MCM7: variants seen among roughly 807,000 people sequenced by gnomAD.
The protein encoded by MCM7 is DNA replication licensing factor MCM7.
A neutral mutation model predicts 83.5 loss-of-function variants in MCM7; 95 were observed. The ratio of observed to expected loss-of-function variants is 1.14; its 90% confidence interval spans 0.96 to 1.35. The LOEUF (loss-of-function observed/expected upper bound fraction) is 1.35, where lower values mean the gene tolerates loss of function less well. Ranked by LOEUF, MCM7 falls within the 40% of genes most tolerant of loss-of-function variation. The probability of loss-of-function intolerance (pLI) is 0.00; values close to 1 mark genes in which losing one functional copy is unlikely to be tolerated. For synonymous variants in MCM7, 461 were observed against 352.7 expected (o/e 1.31, Z -3.44); for missense variants, 1,087 against 957.4 (o/e 1.14, Z -1.79).
Position 100,095,370 on chromosome 7 carries a change from G to T in MCM7, c.1679+17C>A, listed in dbSNP as rs2261360. ...GGCCCACGCCAACGTTTGCCCACCC[G>T]CACCCAGCTCTCCTACCTCATGAGC... On this transcript the variant is annotated intron_variant, in intron 12 of 14. Coordinates refer to ENST00000303887, the MANE Select transcript of MCM7 (RefSeq NM_005916.5). 398,887 of 1,604,644 alleles carry T rather than the reference G, an allele frequency of 0.25. 53,620 individuals are homozygous for T. Among genetic ancestry groups the T allele is most frequent in the Middle Eastern group, 0.44 (2,520 of 5,714 alleles).
At position 100,094,328 on chromosome 7, in the gene MCM7, T is replaced by G; in HGVS notation, c.1693A>C (p.Met565Leu). 1 of 1,614,076 alleles carries G rather than the reference T, an allele frequency of 6.2e-7. No individual in the cohort carries two copies. Among genetic ancestry groups the G allele is most frequent in the Non-Finnish European group, 8.5e-7 (1 of 1,180,024 alleles). Reference sequence around the variant, plus strand: ...ACCATGGGCTGCTTCTCGCGGCACATGGCTATGTAACGCCTGTGGGGGAAG... The same window carrying G: ...ACCATGGGCTGCTTCTCGCGGCACAGGGCTATGTAACGCCTGTGGGGGAAG... ...DMKLMRRYIA[M>L]CREKQPMVPE... Residue 565 changes from methionine to leucine, a missense_variant, in exon 13 of 15, where the codon ATG (methionine) becomes CTG (leucine). Coordinates refer to ENST00000303887, the MANE Select transcript of MCM7 (RefSeq NM_005916.5).
Position 100,098,272 on chromosome 7 carries a change from C to T in MCM7, c.739G>A (p.Gly247Arg), listed in dbSNP as rs762382239. 9 of 1,613,978 alleles carry T rather than the reference C, an allele frequency of 5.6e-6. No homozygotes were observed. The Admixed American group carries it at 1.0e-4, about 18-fold the overall frequency. ...ACCGTGATACTACGAGGGATATTTC[C>T]CACAGGCACCTGATCACTCTAGGGG... ...MQEHSDQVPV[G>R]NIPRSITVLV... The change falls in exon 7 of 15, where the codon GGA (glycine) becomes AGA (arginine). Residue 247 changes from glycine (G) to arginine (R), a missense_variant. By Grantham distance (125) the Gly-to-Arg change is moderately radical. Coordinates refer to ENST00000303887, the MANE Select transcript of MCM7 (RefSeq NM_005916.5).
Position 100,096,167 on chromosome 7 carries a change from C to A in MCM7, c.1202G>T (p.Ser401Ile). The change falls in exon 11 of 15, where the codon AGC (serine) becomes ATC (isoleucine). Residue 401 changes from serine (S) to isoleucine (I), a missense_variant and splice_region_variant. Coordinates refer to ENST00000303887, the MANE Select transcript of MCM7 (RefSeq NM_005916.5). ...GGAGCCCCGGCCTGTTGTGTACTGG[C>A]CTGGAAGAGAAGAAATAAGGAACCA... ...LSYIDRLAPR[S>I]QYTTGRGSSG... 2 of 1,560,312 alleles carry A rather than the reference C, an allele frequency of 1.3e-6. No individual in the cohort carries two copies. Among genetic ancestry groups the A allele is most frequent in the Non-Finnish European group, 1.7e-6 (2 of 1,154,836 alleles).
chr7:100,097,022 C>A (rs890617513), intron 10 of MCM7, among the ~76,000 whole-genome samples: 1 of 152,182 alleles, frequency 6.6e-6, no homozygotes, highest in African/African-American at 2.4e-5. Context: ...AATGGCGTGA[C>A]CCCAGGAGGT....
Position 100,095,390 on chromosome 7 carries a change from A to G in MCM7, c.1676T>C (p.Met559Thr). 1.2e-6 allele frequency: 2 copies of G among 1,612,598 alleles called. No homozygotes were observed. Among genetic ancestry groups the G allele is most frequent in the Non-Finnish European group, 1.7e-6 (2 of 1,179,470 alleles). ...SQFEPLDMKL[M>T]RRYIAMCREK... The stretch of plus-strand genomic sequence containing the variant: ...CACCCGCACCCAGCTCTCCTACCTC[A>G]TGAGCTTCATGTCCAGAGGTTCAAA... The change falls in exon 12 of 15, where the codon ATG becomes ACG. Residue 559 changes from methionine (M) to threonine (T), a missense_variant. Transcript: ENST00000303887.
At chr7:100,097,455 G>A in intron 9 of MCM7, 71 bp from the exon 10 acceptor site, 2 of 1,585,270 alleles carry the variant, frequency 1.3e-6, no homozygotes, top group Non-Finnish European at 1.7e-6. Flanking sequence ...GCAATTTTGA[G>A]TTCTGCCTAC....
chr7:100,095,349 C>A lies in MCM7; in HGVS notation c.1679+38G>T, dbSNP rs777291254. The A allele has an allele frequency of 3.2e-6, 5 of 1,578,900 alleles. No individual in the cohort carries two copies. The South Asian group carries it at 5.7e-5, about 18-fold the overall frequency. Reference sequence around the variant, plus strand: ...ACTTTTTCAGGAGGCTCGCACGGCCCACGCCAACGTTTGCCCACCCGCACC... The same window carrying A: ...ACTTTTTCAGGAGGCTCGCACGGCCAACGCCAACGTTTGCCCACCCGCACC... On this transcript the variant is annotated intron_variant, in intron 12 of 14. Transcript: ENST00000303887.
intron 1 of MCM7, among the ~76,000 whole-genome samples, chr7:100,101,041 A>G (rs1795990483): frequency 6.6e-6 from 1 of 151,394 alleles, no homozygotes; most frequent in Non-Finnish European, 1.5e-5. Flanking sequence ...CGACCCTAAC[A>G]CCTTTACCAG....
Position 100,096,011 on chromosome 7 carries a change from G to A in MCM7, c.1358C>T (p.Ala453Val), listed in dbSNP as rs781443043. The A allele has an allele frequency of 1.5e-5, 25 of 1,613,898 alleles. 1 individual carries two copies. The South Asian group carries it at 2.6e-4, about 17-fold the overall frequency. The change falls in exon 11 of 15, where the codon GCC becomes GTC. Residue 453 changes from alanine to valine, a missense_variant. Ala to Val is a moderately conservative substitution (Grantham distance 64). Transcript: ENST00000303887. ...CIDEFDKMAEADRTAIHEVME... is the reference protein window; with the variant it reads ...CIDEFDKMAEVDRTAIHEVME... ...GACCTCGTGGATGGCTGTGCGGTCGGCCTCAGCCATCTTGTCGAACTCATC... is the reference window on the plus strand; with the variant it reads ...GACCTCGTGGATGGCTGTGCGGTCGACCTCAGCCATCTTGTCGAACTCATC...
chr7:100,098,534 G>A (rs763567621), intron 6 of MCM7, 44 bp downstream of exon 6: 4 of 1,610,084 alleles, frequency 2.5e-6, no homozygotes, highest in Non-Finnish European at 2.5e-6. Context: ...GGATTCAAGT[G>A]GACTCCCGAT....
rs370111245 is a variant in MCM7 at position 100,097,355 on chromosome 7, G to C, written c.1147C>G (p.Pro383Ala). The change falls in exon 10 of 15, where the codon CCT becomes GCT. Residue 383 changes from proline (P) to alanine (A), a missense_variant. Coordinates refer to ENST00000303887, the MANE Select transcript of MCM7 (RefSeq NM_005916.5). ...AGGAGCTGAGACTTGGCCACACCAG[G>C]ATCCCCCATCAGACAGATGTTGATG... ...GNINICLMGD[P>A]GVAKSQLLSY... The C allele has an allele frequency of 6.2e-7, 1 of 1,614,060 alleles. No homozygotes were observed. The highest frequency in any genetic ancestry group is 1.3e-5 in the African/African-American group (1 of 74,910).
chr7:100,098,424 T>C (rs995876034), intron 6 of MCM7, 134 bp from the exon 7 acceptor site: 29 of 1,485,294 alleles, frequency 2.0e-5, no homozygotes, highest in Non-Finnish European at 2.5e-5. Context: ...TGAGACCTCC[T>C]TTCCCCTTCC....
chr7:100,094,420 C>G, intron 12 of MCM7, 79 bp from the exon 13 acceptor site: 1 of 1,513,878 alleles, frequency 6.6e-7, no homozygotes, highest in Non-Finnish European at 9.0e-7. Context: ...GTTTTCTGTA[C>G]CAGGGCTCCC....
chr7:100,099,165 CG>C lies in MCM7; in HGVS notation c.439del (p.Arg147ValfsTer2). 1 of 1,614,084 alleles carries C rather than the reference CG, an allele frequency of 6.2e-7. No homozygotes were observed. The highest frequency in any genetic ancestry group is 2.2e-5 in the East Asian group (1 of 44,874). On this transcript the variant is annotated frameshift_variant, in exon 5 of 15. Transcript: ENST00000303887. LOFTEE classifies it high-confidence loss of function. ...YFQGPSSNKP[R>X]VIREVRADSV... is the part of the protein sequence containing the mutation. The stretch of plus-strand genomic sequence containing the variant: ...GTCAGCCCGCACTTCCCGGATCACA[CG>C]AGGCTTGTTGCTGCTAGGGCCTTGA...
chr7:100,101,108 C>G, intron 1 of MCM7, 156 bp downstream of exon 1: 1 of 891,962 alleles, frequency 1.1e-6, no homozygotes, highest in Non-Finnish European at 1.7e-6. Flanking sequence ...TCCCAGGCCC[C>G]GTGGGCCTTA....
At chr7:100,098,418 A>C in intron 6 of MCM7, 128 bp from the exon 7 acceptor site, 1 of 1,475,794 alleles carries the variant, frequency 6.8e-7, no homozygotes, top group Non-Finnish European at 9.2e-7. Flanking sequence ...GGGTGCTGAG[A>C]CCTCCTTTCC....
intron 1 of MCM7, chr7:100,100,329 G>C (rs373666524): frequency 8.3e-7 from 1 of 1,208,640 alleles, no homozygotes; most frequent in Non-Finnish European, 1.0e-6. Flanking sequence ...GGGAATTCCG[G>C]TCCCTACTTT....
At chr7:100,097,769 T>C (rs2116576915) in intron 8 of MCM7, 24 bp from the exon 9 acceptor site, 1 of 1,614,126 alleles carries the variant, frequency 6.2e-7, no homozygotes, top group Middle Eastern at 1.6e-4. Flanking sequence ...AAGGTTGTTT[T>C]ATTTTCTGGG....
At position 100,093,081 on chromosome 7, in the gene MCM7, C is replaced by CG. The variant is rs1795398242; in HGVS notation, c.2010_2011insC (p.Gly671ArgfsTer9). ...TCAGAGAACCGGACACTTCGGCCCC[C>CG]TGAGACCAGTTCACGGACGGTGGCA... On this transcript the variant is annotated frameshift_variant, in exon 15 of 15. Transcript: ENST00000303887. LOFTEE classifies it high-confidence loss of function. The CG allele has an allele frequency of 6.2e-7, 1 of 1,614,042 alleles. No homozygotes were observed. The highest frequency in any genetic ancestry group is 8.5e-7 in the Non-Finnish European group (1 of 1,180,000).
Sources: allele counts gnomAD v4.1 joint callset (sites outside exome capture counted in the v4.1 genomes callset), GRCh38; gene constraint gnomAD v4.1.1; transcripts MANE v1.5; gene names NCBI Gene and HGNC (gene_info 2026-07-23, HGNC 2026-07-21).